HM13: variants seen among roughly 807,000 people sequenced by gnomAD.
HM13 encodes histocompatibility minor 13, also known as signal peptide peptidase.
Under a neutral mutation model 50.0 loss-of-function variants are expected in HM13, and 18 were observed. That is an observed-to-expected ratio of 0.36 (90% CI 0.25 to 0.53). The LOEUF (loss-of-function observed/expected upper bound fraction) is 0.53, where lower values mean the gene tolerates loss of function less well. HM13 is among the 20% of genes least tolerant of loss of function. The pLI, the probability that HM13 is intolerant of heterozygous loss-of-function variation, is 0.90. For synonymous variants in HM13, 197 were observed against 232.6 expected, an observed-to-expected ratio of 0.85 and a Z score of 1.39; for missense variants, 393 against 552.4, an observed-to-expected ratio of 0.71 and a Z score of 2.89.
chr20:31,551,646 C>G (rs1984039389), intron 7 of HM13, among the ~76,000 whole-genome samples: 3 of 152,138 alleles, frequency 2.0e-5, no homozygotes, highest in Non-Finnish European at 4.4e-5. Flanking sequence ...GGCATGCTAG[C>G]AAGGAAGAGA....
At chr20:31,515,321 T>C (rs1981707471) in intron 1 of HM13, among the ~76,000 whole-genome samples, 1 of 152,116 alleles carries the variant, frequency 6.6e-6, no homozygotes, top group East Asian at 1.9e-4. Context: ...AACAATGATC[T>C]CTTAGAGCCC....
At chr20:31,560,880 C>T (rs1984564908) in intron 9 of HM13, among the ~76,000 whole-genome samples, 1 of 152,244 alleles carries the variant, frequency 6.6e-6, no homozygotes, top group African/African-American at 2.4e-5. Flanking sequence ...CAGAAGCACT[C>T]ATTCATTCCA....
In HM13 at chr20:31,537,617, G is replaced by A. The variant is rs116611376; in HGVS notation, c.283-562G>A. On this transcript the variant is annotated intron_variant, in intron 2 of 12. Coordinates refer to ENST00000398174, the MANE Select transcript of HM13 (RefSeq NM_178581.3). The stretch of plus-strand genomic sequence containing the variant: ...AGCATTGTGACAGAATATTTCTCAA[G>A]TTTCACCTAACGACGAAAAGACCAA... 4.7e-3 allele frequency among the ~76,000 whole-genome samples: 717 copies of A among 152,334 alleles called. 7 individuals are homozygous for A. Among genetic ancestry groups the A allele is most frequent in the African/African-American group, 0.016 (681 of 41,584 alleles).
chr20:31,557,253 T>A (rs188198586), intron 8 of HM13, among the ~76,000 whole-genome samples: 2 of 152,240 alleles, frequency 1.3e-5, no homozygotes, highest in East Asian at 3.9e-4. Context: ...ACAAAAGAAA[T>A]GGAGTCCTGT....
intron 1 of HM13, among the ~76,000 whole-genome samples, chr20:31,517,854 A>G (rs1013208103): frequency 1.3e-5 from 2 of 152,154 alleles, no homozygotes; most frequent in African/African-American, 4.8e-5. Flanking sequence ...GCAGTGCAGA[A>G]GTATAAAGGA....
intron 2 of HM13, among the ~76,000 whole-genome samples, chr20:31,533,419 C>T (rs1385560884): frequency 2.6e-5 from 4 of 152,194 alleles, no homozygotes; most frequent in Admixed American, 2.0e-4. Context: ...GCAGGAGAAT[C>T]GCTTGAACCC....
chr20:31,555,604 G>T (rs574933018), intron 8 of HM13, among the ~76,000 whole-genome samples: 1 of 152,144 alleles, frequency 6.6e-6, no homozygotes. Context: ...GGGCCCAGTT[G>T]TGGGGGCAGT....
At chr20:31,557,796 C>T (rs920487015) in intron 8 of HM13, among the ~76,000 whole-genome samples, 4 of 151,526 alleles carry the variant, frequency 2.6e-5, no homozygotes, top group Non-Finnish European at 5.9e-5. Context: ...CAACCTCCAC[C>T]TCCCAGGTTC....
At chr20:31,524,692 G>A (rs1982381058) in intron 1 of HM13, among the ~76,000 whole-genome samples, 1 of 134,074 alleles carries the variant, frequency 7.5e-6, no homozygotes, top group African/African-American at 2.7e-5. Flanking sequence ...AGAGCCATTT[G>A]TAGTTCTTGT....
At position 31,549,323 on chromosome 20, in the gene HM13, T is replaced by C. The variant is rs149298851; in HGVS notation, c.657T>C (p.Asp219=). The change falls in exon 6 of 13, where the codon GAT becomes GAC. Residue 219 remains aspartate, a synonymous_variant. Coordinates refer to ENST00000398174, the MANE Select transcript of HM13 (RefSeq NM_178581.3). The part of the protein sequence containing the change: ...CILLGGLFIY[D]VFWVFGTNVM... Reference sequence around the variant, plus strand: ...TGCTGGGCGGACTCTTCATCTACGATGTCTTCTGGGTGAGTCAGGCAGGGA... The same window carrying C: ...TGCTGGGCGGACTCTTCATCTACGACGTCTTCTGGGTGAGTCAGGCAGGGA... 901 of 1,614,118 alleles carry C rather than the reference T, an allele frequency of 5.6e-4. 1 individual carries two copies. Among genetic ancestry groups the C allele is most frequent in the Non-Finnish European group, 7.1e-4 (838 of 1,180,046 alleles).
chr20:31,554,377 CA>C lies in HM13; in HGVS notation c.725-355del, dbSNP rs60459866. 4.1e-3 allele frequency among the ~76,000 whole-genome samples: 567 copies of C among 137,432 alleles called. 2 individuals are homozygous for C. The highest frequency in any genetic ancestry group is 0.011 in the Middle Eastern group (3 of 270). The allele number at this position is 137,432 out of a possible 152,430, so 90.2% of individuals were successfully genotyped here. On this transcript the variant is annotated intron_variant, in intron 7 of 12. Coordinates refer to ENST00000398174, the MANE Select transcript of HM13 (RefSeq NM_178581.3). ...CTGGGCAATAGAGCAAGCCCCGTCT[CA>C]AAAAAAAAAAAAATACAAAGTAGGC...
intron 2 of HM13, among the ~76,000 whole-genome samples, chr20:31,532,558 C>T (rs1982882638): frequency 6.6e-6 from 1 of 151,970 alleles, no homozygotes; most frequent in African/African-American, 2.4e-5. Context: ...CATTTCCCAC[C>T]TTCATTTCTC....
chr20:31,531,398 A>T (rs1982805224), intron 2 of HM13, among the ~76,000 whole-genome samples: 1 of 134,420 alleles, frequency 7.4e-6, no homozygotes, highest in Admixed American at 7.5e-5. Context: ...TTGGATCGGA[A>T]TTTTTTTTTT....
chr20:31,534,209 C>T (rs968333153), intron 2 of HM13, among the ~76,000 whole-genome samples: 1 of 152,102 alleles, frequency 6.6e-6, no homozygotes, highest in African/African-American at 2.4e-5. Context: ...ATCACTCGCA[C>T]ACAGCCACAG....
intron 3 of HM13, among the ~76,000 whole-genome samples, chr20:31,544,363 C>G (rs1231648310): frequency 6.6e-6 from 1 of 152,220 alleles, no homozygotes; most frequent in East Asian, 1.9e-4. Flanking sequence ...CCAAGCTGGT[C>G]TTAAACAACT....
In HM13 at chr20:31,530,650, C is replaced by T. The variant is rs138783524; in HGVS notation, c.282+3068C>T. Among the ~76,000 whole-genome samples, 734 of 152,170 alleles carry T rather than the reference C, an allele frequency of 4.8e-3. 7 individuals carry two copies. Among genetic ancestry groups the T allele is most frequent in the African/African-American group, 0.017 (696 of 41,502 alleles). On this transcript the variant is annotated intron_variant, in intron 2 of 12. Transcript: ENST00000398174. Reference sequence around the variant, plus strand: ...GGTCTTGATCTCTTGACCTTGTGATCCGCCTTCCTTAGCCTCCCAAAGTGC... The same window carrying T: ...GGTCTTGATCTCTTGACCTTGTGATTCGCCTTCCTTAGCCTCCCAAAGTGC...
At chr20:31,521,094 A>G (rs1356408063) in intron 1 of HM13, among the ~76,000 whole-genome samples, 1 of 152,230 alleles carries the variant, frequency 6.6e-6, no homozygotes, top group Non-Finnish European at 1.5e-5. Context: ...ATTTACATAC[A>G]CAAATCTGGT....
intron 8 of HM13, among the ~76,000 whole-genome samples, chr20:31,557,295 C>A (rs1047193408): frequency 6.6e-6 from 1 of 152,220 alleles, no homozygotes; most frequent in Non-Finnish European, 1.5e-5. Context: ...AGGGCACGGT[C>A]TGTCATTCAC....
intron 4 of HM13, chr20:31,548,624 C>T (rs1197745394): frequency 1.1e-5 from 3 of 263,250 alleles, no homozygotes; most frequent in Admixed American, 4.7e-5. Flanking sequence ...GACTGTCTTA[C>T]TTATTCCCCC....
Sources: gnomAD v4.1 joint callset for allele counts (sites outside exome capture counted in the v4.1 genomes callset) on GRCh38, gnomAD v4.1.1 for gene constraint, MANE v1.5 for transcripts, NCBI Gene and HGNC (gene_info 2026-07-23, HGNC 2026-07-21) for gene names.